Variants in KLF12 observed in about 807,000 individuals in gnomAD.
KLF12 encodes the protein KLF transcription factor 12.
Under a neutral mutation model 37.8 loss-of-function variants are expected in KLF12, and 9 were observed. That is an observed-to-expected ratio of 0.24 (90% CI 0.14 to 0.42). KLF12 has a LOEUF of 0.42. Ranked by LOEUF, KLF12 falls within the 10% of genes least tolerant of loss-of-function variation. The pLI is 1.00. For missense variants in KLF12, 411 were observed against 516.0 expected (o/e 0.80, Z 1.97); for synonymous variants, 208 against 202.1 (o/e 1.03, Z -0.25).
chr13:73,856,839 T>C (rs1010212509), intron 3 of KLF12, among the ~76,000 whole-genome samples: 1 of 151,778 alleles, frequency 6.6e-6, no homozygotes. Flanking sequence ...ATACAACAAT[T>C]AGCTGGGTGT....
the KLF12 span, among the ~76,000 whole-genome samples, chr13:74,244,613 G>A: frequency 1.3e-5 from 2 of 152,190 alleles, no homozygotes; most frequent in Non-Finnish European, 2.9e-5. Context: ...GTGTTCCAAA[G>A]GGGTAAGAAG....
chr13:74,303,115 T>C, the KLF12 span, among the ~76,000 whole-genome samples: 23 of 152,286 alleles, frequency 1.5e-4, 1 homozygote, highest in South Asian at 4.1e-3. Context: ...TGTATGGTCA[T>C]TCTTCCTTTA....
At chr13:73,778,310 A>C (rs994602313) in intron 5 of KLF12, among the ~76,000 whole-genome samples, 1 of 152,184 alleles carries the variant, frequency 6.6e-6, no homozygotes, top group Non-Finnish European at 1.5e-5. Context: ...GTTTTCCTAA[A>C]GCAAGAGCTT....
In KLF12 at chr13:74,129,070, G is replaced by T. The variant is rs141195893; in HGVS notation, c.-32+4669C>A. Among the ~76,000 whole-genome samples the T allele has an allele frequency of 1.6e-3, 237 of 152,196 alleles. 1 individual carries two copies. Among genetic ancestry groups the T allele is most frequent in the African/African-American group, 5.4e-3 (223 of 41,516 alleles). On this transcript the variant is annotated intron_variant, in intron 1 of 7. Coordinates refer to ENST00000377669, the MANE Select transcript of KLF12 (RefSeq NM_007249.5). ...GTAGTCATTCTTCAGTACCCTTGGA[G>T]GGTTGACTCCAGGATCCCATCCCAC...
At chr13:74,115,262 C>T (rs1877224214) in intron 1 of KLF12, among the ~76,000 whole-genome samples, 1 of 152,174 alleles carries the variant, frequency 6.6e-6, no homozygotes, top group South Asian at 2.1e-4. Flanking sequence ...TAACATTTCA[C>T]ATAATACATT....
In KLF12 at chr13:73,788,640, A is replaced by AT. The variant is rs58962220; in HGVS notation, c.807-23641dup. ...TCCCTTTATCTATAAATGCCTGCTA[A>AT]TTTTTTTTTTTTATTTTTAAAGATT... On this transcript the variant is annotated intron_variant, in intron 5 of 7. Coordinates refer to ENST00000377669, the MANE Select transcript of KLF12 (RefSeq NM_007249.5). Among the ~76,000 whole-genome samples the AT allele has an allele frequency of 1.3e-3, 194 of 148,584 alleles. 2 individuals carry two copies. The South Asian group carries it at 0.026, about 20-fold the overall frequency.
In KLF12 at chr13:73,846,122, T is replaced by A. The variant is rs1885002209; in HGVS notation, c.375A>T (p.Ser125=). ...ATACTGATGTGATAACAGTTGGGGA[T>A]GAGGCTAGACGACTAGAAGACGATG... Residue 125 remains serine (S), a synonymous_variant, in exon 4 of 8, where the codon TCA becomes TCT. Coordinates refer to ENST00000377669, the MANE Select transcript of KLF12 (RefSeq NM_007249.5). The A allele has an allele frequency of 8.1e-6, 13 of 1,614,022 alleles. No homozygotes were observed. Among genetic ancestry groups the A allele is most frequent in the Non-Finnish European group, 1.1e-5 (13 of 1,179,988 alleles).
intron 1 of KLF12, among the ~76,000 whole-genome samples, chr13:74,128,709 C>T (rs556557379): frequency 2.6e-5 from 4 of 152,200 alleles, no homozygotes; most frequent in African/African-American, 9.6e-5. Flanking sequence ...AACTTGGTTG[C>T]CATTTAGGTT....
intron 1 of KLF12, among the ~76,000 whole-genome samples, chr13:74,016,401 C>T (rs1892689373): frequency 6.6e-6 from 1 of 152,078 alleles, no homozygotes. Flanking sequence ...GCTCTGTCAC[C>T]CAGGCTGGAG....
chr13:74,021,842 C>T (rs1406566207), intron 1 of KLF12, among the ~76,000 whole-genome samples: 1 of 152,140 alleles, frequency 6.6e-6, no homozygotes, highest in Non-Finnish European at 1.5e-5. Context: ...TACACAAGAA[C>T]TTCGGATAGC....
At chr13:74,272,195 A>G in the KLF12 span, among the ~76,000 whole-genome samples, 1 of 152,272 alleles carries the variant, frequency 6.6e-6, no homozygotes, top group South Asian at 2.1e-4. Flanking sequence ...CTAGTCTTGG[A>G]CTTATACTTC....
chr13:74,053,506 T>C (rs764634332), intron 1 of KLF12, among the ~76,000 whole-genome samples: 1 of 152,092 alleles, frequency 6.6e-6, no homozygotes, highest in Non-Finnish European at 1.5e-5. Context: ...GTTTCATAGA[T>C]GAGGAAACTA....
At chr13:73,839,634 T>C (rs1884638128) in intron 4 of KLF12, among the ~76,000 whole-genome samples, 2 of 152,204 alleles carry the variant, frequency 1.3e-5, no homozygotes, top group South Asian at 4.1e-4. Flanking sequence ...ACTTGTTTGC[T>C]AATAATCCAG....
intron 5 of KLF12, among the ~76,000 whole-genome samples, chr13:73,806,369 G>A (rs982437238): frequency 2.0e-5 from 3 of 152,028 alleles, no homozygotes; most frequent in South Asian, 4.1e-4. Flanking sequence ...CCAAAGTGCT[G>A]GGAATACAGG....
At chr13:74,217,239 T>C in the KLF12 span, among the ~76,000 whole-genome samples, 3 of 151,962 alleles carry the variant, frequency 2.0e-5, no homozygotes, top group Admixed American at 1.3e-4. Context: ...AAATTCCACA[T>C]AGAAATAAGA....
intron 1 of KLF12, among the ~76,000 whole-genome samples, chr13:74,035,714 A>C (rs1893229846): frequency 6.6e-6 from 1 of 151,878 alleles, no homozygotes; most frequent in South Asian, 2.1e-4. Flanking sequence ...TTCATCCTAA[A>C]ATGATCTGCT....
intron 1 of KLF12, among the ~76,000 whole-genome samples, chr13:74,076,305 A>C (rs934455348): frequency 6.6e-6 from 1 of 152,244 alleles, no homozygotes; most frequent in Non-Finnish European, 1.5e-5. Flanking sequence ...TATAAAAACA[A>C]AATAACCTAG....
chr13:73,793,504 T>G (rs1881802336), intron 5 of KLF12, among the ~76,000 whole-genome samples: 1 of 152,238 alleles, frequency 6.6e-6, no homozygotes, highest in South Asian at 2.1e-4. Context: ...TCTGAGAGTT[T>G]ATAGTTGACA....
intron 4 of KLF12, among the ~76,000 whole-genome samples, chr13:73,823,819 T>A (rs1276819617): frequency 6.6e-6 from 1 of 152,122 alleles, no homozygotes; most frequent in Non-Finnish European, 1.5e-5. Context: ...CAAGCTATTC[T>A]CCTGTCTCAG....
Sources: gnomAD v4.1 joint callset for allele counts (sites outside exome capture counted in the v4.1 genomes callset) on GRCh38, gnomAD v4.1.1 for gene constraint, MANE v1.5 for transcripts, NCBI Gene and HGNC (gene_info 2026-07-23, HGNC 2026-07-21) for gene names.